Variants in SNX24 observed in about 807,000 individuals in gnomAD.
SNX24 encodes the protein sorting nexin-24.
A neutral mutation model predicts 28.7 loss-of-function variants in SNX24; 22 were observed. The observed-to-expected ratio is 0.77, with a 90% CI of 0.55 to 1.10. The LOEUF is 1.10. SNX24 is among the 50% of genes least tolerant of loss of function. The pLI, the probability that SNX24 is intolerant of heterozygous loss-of-function variation, is 0.00. For missense variants in SNX24, 221 were observed against 201.1 expected (o/e 1.10, Z -0.60); for synonymous variants, 69 against 71.5 (o/e 0.96, Z 0.18).
Position 122,936,806 on chromosome 5 carries a change from T to A in SNX24, c.133T>A (p.Leu45Met), listed in dbSNP as rs1759198952. 1.9e-6 allele frequency: 3 copies of A among 1,604,536 alleles called. No homozygotes were observed. Among genetic ancestry groups the A allele is most frequent in the Admixed American group, 1.7e-5 (1 of 59,806 alleles). ...AAAGAGATACAGCGAATTTCATGCT[T>A]TGCACAAAAAGGTAACTTGTTTTCT... ...VEKRYSEFHA[L>M]HKKLKKCIKT... Residue 45 changes from leucine to methionine, a missense_variant, in exon 2 of 7, where the codon TTG (leucine) becomes ATG (methionine). Physicochemically the swap from Leu to Met is conservative, Grantham distance 15. Transcript: ENST00000261369.
chr5:122,995,988 AT>A (rs1390590629), intron 3 of SNX24, among the ~76,000 whole-genome samples: 1 of 152,162 alleles, frequency 6.6e-6, no homozygotes, highest in Non-Finnish European at 1.5e-5. Flanking sequence ...TGTTTTGTTA[AT>A]TTTGGGAGCC....
intron 1 of SNX24, among the ~76,000 whole-genome samples, chr5:122,912,702 C>T: frequency 6.7e-6 from 1 of 148,484 alleles, no homozygotes. Context: ...TTGTCAAAGG[C>T]CTTTTCTGCA....
At chr5:123,026,812 A>G (rs570461908) in intron 5 of SNX24, among the ~76,000 whole-genome samples, 2 of 152,300 alleles carry the variant, frequency 1.3e-5, no homozygotes, top group Non-Finnish European at 2.9e-5. Flanking sequence ...CCATCCTCCA[A>G]TACCTCAAGG....
chr5:123,004,833 A>G (rs1027412450), intron 6 of SNX24, among the ~76,000 whole-genome samples: 11 of 152,194 alleles, frequency 7.2e-5, no homozygotes, highest in Non-Finnish European at 1.5e-4. Context: ...ACGGCTTCAG[A>G]GAGCCTGTGC....
At chr5:122,962,177 C>T (rs183399902) in intron 3 of SNX24, among the ~76,000 whole-genome samples, 56 of 152,282 alleles carry the variant, frequency 3.7e-4, no homozygotes, top group Non-Finnish European at 6.2e-4. Flanking sequence ...CAGTGATTTA[C>T]ATGCTTTCCA....
At chr5:122,980,889 G>A (rs975695904) in intron 3 of SNX24, among the ~76,000 whole-genome samples, 1 of 152,074 alleles carries the variant, frequency 6.6e-6, no homozygotes, top group African/African-American at 2.4e-5. Flanking sequence ...ACCAGTTCAA[G>A]TATGGGAACA....
At chr5:123,010,333 C>T (rs189493488), downstream of SNX24, among the ~76,000 whole-genome samples, 120 of 152,014 alleles carry the variant, frequency 7.9e-4, no homozygotes, top group African/African-American at 2.8e-3. Flanking sequence ...CTCTGTTGCC[C>T]AGGCTGGAGT....
chr5:122,974,568 A>G (rs1761092371), intron 3 of SNX24, among the ~76,000 whole-genome samples: 1 of 152,208 alleles, frequency 6.6e-6, no homozygotes, highest in African/African-American at 2.4e-5. Context: ...AAATGTGTTA[A>G]TTTGCTCAGG....
chr5:122,870,444 A>G (rs1388214168), intron 1 of SNX24, among the ~76,000 whole-genome samples: 1 of 152,202 alleles, frequency 6.6e-6, no homozygotes, highest in Non-Finnish European at 1.5e-5. Context: ...ATGTCAGCTT[A>G]GTTTCAGCCA....
chr5:122,848,541 T>TA (rs33950601), intron 1 of SNX24, among the ~76,000 whole-genome samples: 78,026 of 135,086 alleles, frequency 0.58, 22,561 homozygotes, highest in African/African-American at 0.65. Context: ...CATCTCTACT[T>TA]AAAAAAAAAA....
At chr5:123,005,658 A>ATT (rs1178324984) in intron 6 of SNX24, among the ~76,000 whole-genome samples, 4 of 152,276 alleles carry the variant, frequency 2.6e-5, no homozygotes, top group African/African-American at 9.6e-5. Flanking sequence ...GCAAAGAATA[A>ATT]AGGCATGTCT....
At chr5:122,924,957 C>T (rs890587255) in intron 1 of SNX24, among the ~76,000 whole-genome samples, 3 of 151,484 alleles carry the variant, frequency 2.0e-5, no homozygotes, top group African/African-American at 7.3e-5. Context: ...GCCTTCCCTC[C>T]CCACTCTTCC....
downstream of SNX24, among the ~76,000 whole-genome samples, chr5:123,012,761 G>T (rs916064838): frequency 3.3e-5 from 5 of 152,204 alleles, no homozygotes; most frequent in Admixed American, 2.6e-4. Context: ...GTGGGTGCAG[G>T]AGAGCTTTTG....
At chr5:122,860,832 GT>G (rs1755426831) in intron 1 of SNX24, among the ~76,000 whole-genome samples, 1 of 151,992 alleles carries the variant, frequency 6.6e-6, no homozygotes, top group African/African-American at 2.4e-5. Flanking sequence ...TCCTGACCTT[GT>G]GATCCTCCTC....
chr5:122,894,730 T>A (rs976305073), intron 1 of SNX24, among the ~76,000 whole-genome samples: 1 of 152,154 alleles, frequency 6.6e-6, no homozygotes. Flanking sequence ...AAGGGATGGT[T>A]TTAGAAGGAA....
At chr5:122,914,785 CTA>C (rs1463297915) in intron 1 of SNX24, among the ~76,000 whole-genome samples, 1 of 152,130 alleles carries the variant, frequency 6.6e-6, no homozygotes, top group Admixed American at 6.5e-5. Flanking sequence ...ATTCTTCTCT[CTA>C]TTTTTCTTTA....
intron 1 of SNX24, among the ~76,000 whole-genome samples, chr5:122,861,142 C>G (rs1468989080): frequency 6.6e-6 from 1 of 151,862 alleles, no homozygotes; most frequent in Non-Finnish European, 1.5e-5. Flanking sequence ...GAGTTTGAGA[C>G]CAGCCTGGCG....
intron 1 of SNX24, among the ~76,000 whole-genome samples, chr5:122,911,418 T>C (rs938594896): frequency 6.6e-6 from 1 of 152,174 alleles, no homozygotes; most frequent in Non-Finnish European, 1.5e-5. Flanking sequence ...GTTTTGTAGG[T>C]TGCCTGTTCA....
intron 6 of SNX24, among the ~76,000 whole-genome samples, chr5:123,002,578 G>C (rs1466769378): frequency 6.6e-6 from 1 of 152,162 alleles, no homozygotes; most frequent in Non-Finnish European, 1.5e-5. Flanking sequence ...CTTGCAGTGA[G>C]CCGAGATCGC....
Sources: allele counts gnomAD v4.1 joint callset (sites outside exome capture counted in the v4.1 genomes callset), GRCh38; gene constraint gnomAD v4.1.1; transcripts MANE v1.5; gene names NCBI Gene and HGNC (gene_info 2026-07-23, HGNC 2026-07-21).